Variants in HPSE2 observed in about 807,000 individuals in gnomAD.
The protein encoded by HPSE2 is inactive heparanase-2.
In HPSE2, 38 loss-of-function variants were observed where a neutral mutation model predicts 60.5. The ratio of observed to expected loss-of-function variants is 0.63; its 90% CI spans 0.48 to 0.82. The LOEUF is 0.82. HPSE2 is among the 40% of genes least tolerant of loss of function. HPSE2 has a pLI of 0.00. For missense variants in HPSE2, 713 were observed against 740.4 expected (o/e 0.96, Z 0.43); for synonymous variants, 295 against 293.2 (o/e 1.01, Z -0.06).
chr10:98,599,889 C>T (rs1488567494), intron 9 of HPSE2, among the ~76,000 whole-genome samples: 1 of 152,176 alleles, frequency 6.6e-6, no homozygotes, highest in Non-Finnish European at 1.5e-5. Flanking sequence ...CTGCTATACT[C>T]CCAGCCTTCT....
the HPSE2 span, among the ~76,000 whole-genome samples, chr10:99,268,395 G>A: frequency 6.6e-6 from 1 of 152,098 alleles, no homozygotes; most frequent in African/African-American, 2.4e-5. Context: ...TGTAATCCCA[G>A]CACTTTGGGA....
At chr10:98,520,167 C>T (rs902941825) in intron 9 of HPSE2, among the ~76,000 whole-genome samples, 1 of 152,172 alleles carries the variant, frequency 6.6e-6, no homozygotes, top group Non-Finnish European at 1.5e-5. Context: ...TCTATCAATC[C>T]ACCCTCTGCA....
At chr10:98,495,512 A>T (rs570804645) in intron 9 of HPSE2, among the ~76,000 whole-genome samples, 1 of 152,202 alleles carries the variant, frequency 6.6e-6, no homozygotes, top group Admixed American at 6.5e-5. Context: ...CACAGTGTGT[A>T]TATTAGTCCA....
intron 3 of HPSE2, among the ~76,000 whole-genome samples, chr10:98,788,379 A>G (rs1283432961): frequency 1.3e-5 from 1 of 78,180 alleles, no homozygotes; most frequent in Non-Finnish European, 3.3e-5. Flanking sequence ...AAGTCTGCAG[A>G]GGTTACTGCT....
intron 3 of HPSE2, among the ~76,000 whole-genome samples, chr10:98,833,206 G>T (rs1951721126): frequency 6.6e-6 from 1 of 152,108 alleles, no homozygotes; most frequent in Admixed American, 6.6e-5. Flanking sequence ...CACAAAAATG[G>T]AATTGGATTC....
chr10:98,537,882 T>C (rs1205171364), intron 9 of HPSE2, among the ~76,000 whole-genome samples: 3 of 152,208 alleles, frequency 2.0e-5, no homozygotes, highest in Non-Finnish European at 2.9e-5. Context: ...TTCATGTTCC[T>C]CCCATACTCC....
At chr10:98,829,559 T>C (rs535517381) in intron 3 of HPSE2, among the ~76,000 whole-genome samples, 42 of 151,962 alleles carry the variant, frequency 2.8e-4, no homozygotes, top group African/African-American at 8.9e-4. Flanking sequence ...GTTCTGGAGA[T>C]AGATGATGGT....
intron 4 of HPSE2, among the ~76,000 whole-genome samples, chr10:98,739,202 C>G (rs527579129): frequency 6.6e-6 from 1 of 152,114 alleles, no homozygotes. Flanking sequence ...AACCATCATT[C>G]TCAGCAAACT....
chr10:99,090,414 G>A (rs1843472640), intron 3 of HPSE2, among the ~76,000 whole-genome samples: 1 of 152,102 alleles, frequency 6.6e-6, no homozygotes, highest in South Asian at 2.1e-4. Flanking sequence ...GAACTTTTAA[G>A]AAGAGCCTAG....
intron 6 of HPSE2, among the ~76,000 whole-genome samples, chr10:98,686,390 T>C (rs1947916326): frequency 2.0e-5 from 3 of 152,214 alleles, no homozygotes; most frequent in Non-Finnish European, 1.5e-5. Context: ...CATGATTTCT[T>C]CTTTGATTCA....
intron 6 of HPSE2, among the ~76,000 whole-genome samples, chr10:98,672,758 G>T (rs1039468310): frequency 6.6e-6 from 1 of 152,070 alleles, no homozygotes; most frequent in African/African-American, 2.4e-5. Context: ...CTTCTTAAGA[G>T]GAAAAATGTA....
chr10:99,197,892 GA>G (rs1390875275), intron 2 of HPSE2, among the ~76,000 whole-genome samples: 1 of 152,050 alleles, frequency 6.6e-6, no homozygotes, highest in Non-Finnish European at 1.5e-5. Flanking sequence ...CCAACATGGT[GA>G]AACCCCAGCT....
intron 3 of HPSE2, among the ~76,000 whole-genome samples, chr10:98,973,867 G>A (rs927629995): frequency 5.3e-5 from 8 of 151,646 alleles, no homozygotes; most frequent in African/African-American, 1.9e-4. Flanking sequence ...AAGGGGGGGG[G>A]AGATATAATT....
At chr10:99,187,284 G>A (rs569226659) in intron 2 of HPSE2, among the ~76,000 whole-genome samples, 1 of 152,278 alleles carries the variant, frequency 6.6e-6, no homozygotes, top group Non-Finnish European at 1.5e-5. Context: ...AGACAGAGAA[G>A]TGTACTTATA....
chr10:99,067,348 C>G (rs996974923), intron 3 of HPSE2, among the ~76,000 whole-genome samples: 1 of 152,184 alleles, frequency 6.6e-6, no homozygotes, highest in South Asian at 2.1e-4. Flanking sequence ...TCTGGAGACT[C>G]TGTGTGGGGG....
At chr10:98,695,815 C>T (rs1948197294) in intron 5 of HPSE2, among the ~76,000 whole-genome samples, 2 of 152,136 alleles carry the variant, frequency 1.3e-5, no homozygotes, top group African/African-American at 4.8e-5. Context: ...CTATTTCTGG[C>T]CCTATGCCTC....
chr10:99,075,670 A>G (rs1842930839), intron 3 of HPSE2, among the ~76,000 whole-genome samples: 1 of 151,938 alleles, frequency 6.6e-6, no homozygotes, highest in African/African-American at 2.4e-5. Context: ...TCTCTCTTCA[A>G]TTCTGTCGAT....
At chr10:99,093,968 CT>C (rs1428886081) in intron 3 of HPSE2, among the ~76,000 whole-genome samples, 1 of 152,078 alleles carries the variant, frequency 6.6e-6, no homozygotes, top group African/African-American at 2.4e-5. Flanking sequence ...AATTTTTCAA[CT>C]TTTTAAATTA....
At chr10:98,500,320 G>A (rs1229679308) in intron 9 of HPSE2, among the ~76,000 whole-genome samples, 1 of 152,058 alleles carries the variant, frequency 6.6e-6, no homozygotes, top group East Asian at 1.9e-4. Flanking sequence ...ATTATATCAA[G>A]CACTCTCTCA....
Sources: gnomAD v4.1 joint callset for allele counts (sites outside exome capture counted in the v4.1 genomes callset) on GRCh38, gnomAD v4.1.1 for gene constraint, MANE v1.5 for transcripts, NCBI Gene and HGNC (gene_info 2026-07-23, HGNC 2026-07-21) for gene names.